F13B: variants seen among roughly 807,000 people sequenced by gnomAD.
The protein encoded by F13B is coagulation factor XIII B chain, also known as TGase.
A neutral mutation model predicts 79.8 loss-of-function variants in F13B; 58 were observed. That is an observed-to-expected ratio of 0.73 (90% CI 0.59 to 0.90). F13B has a LOEUF of 0.90. Among genes scored for constraint, F13B ranks in the 40% least tolerant of loss-of-function variants. The pLI is 0.00. For missense variants in F13B, 773 were observed against 777.0 expected (o/e 0.99, Z 0.06); for synonymous variants, 283 against 260.3 (o/e 1.09, Z -0.84).
At chr1:197,046,174 T>G (rs1004076170) in intron 10 of F13B, among the ~76,000 whole-genome samples, 1 of 151,978 alleles carries the variant, frequency 6.6e-6, no homozygotes, top group African/African-American at 2.4e-5. Flanking sequence ...GGGCAATCTG[T>G]CAAGAGAAAG....
intron 1 of F13B, among the ~76,000 whole-genome samples, chr1:197,063,799 A>G (rs939244936): frequency 9.2e-5 from 14 of 152,106 alleles, no homozygotes; most frequent in African/African-American, 1.9e-4. Flanking sequence ...AAAATCCACT[A>G]CATATTTATA....
chr1:197,040,381 T>TA (rs996600016), intron 11 of F13B, 141 bp downstream of exon 11: 33 of 636,280 alleles, frequency 5.2e-5, no homozygotes, highest in South Asian at 3.1e-4. Flanking sequence ...TTGTTTGGTG[T>TA]AAAAAAAATG....
intron 5 of F13B, among the ~76,000 whole-genome samples, chr1:197,058,734 G>A (rs1458995252): frequency 6.6e-6 from 1 of 152,068 alleles, no homozygotes; most frequent in Non-Finnish European, 1.5e-5. Flanking sequence ...TACCGTGTAA[G>A]GTAACGTTTA....
chr1:197,052,516 A>G (rs55734742), intron 9 of F13B, 118 bp downstream of exon 9: 4 of 692,632 alleles, frequency 5.8e-6, no homozygotes, highest in Non-Finnish European at 9.4e-6. Flanking sequence ...AAATAAAATA[A>G]AACAAAATTA....
At chr1:197,054,932 G>T (rs1655580292) in intron 8 of F13B, among the ~76,000 whole-genome samples, 1 of 151,874 alleles carries the variant, frequency 6.6e-6, no homozygotes, top group Non-Finnish European at 1.5e-5. Context: ...CATGTACAAA[G>T]ATTTACTTGA....
chr1:197,061,980 A>C lies in F13B; in HGVS notation c.266-11T>G. 1 of 1,605,510 alleles carries C rather than the reference A, an allele frequency of 6.2e-7. No individual in the cohort carries two copies. Among genetic ancestry groups the C allele is most frequent in the Non-Finnish European group, 8.5e-7 (1 of 1,173,696 alleles). On this transcript the variant is annotated splice_polypyrimidine_tract_variant and intron_variant, in intron 2 of 11. Coordinates refer to ENST00000367412, the MANE Select transcript of F13B (RefSeq NM_001994.3). ...GCTTAGTGCATTTTTCTATGGGAAA[A>C]AAAATTATTTAACTTAATGATGAAA...
intron 4 of F13B, 41 bp from the exon 5 acceptor site, chr1:197,060,583 A>AT (rs1219906007): frequency 7.1e-7 from 1 of 1,400,804 alleles, no homozygotes; most frequent in African/African-American, 1.5e-5. Context: ...ACAAATGTTT[A>AT]TTTTTTCTGC....
intron 1 of F13B, among the ~76,000 whole-genome samples, chr1:197,063,907 G>C (rs1337656359): frequency 2.0e-5 from 3 of 151,916 alleles, no homozygotes; most frequent in African/African-American, 7.3e-5. Context: ...TACAGTTCAG[G>C]AATAGGTAAA....
Position 197,060,467 on chromosome 1 carries a change from T to A in F13B, c.704A>T (p.Asp235Val). ...TTCATGACAGAAAAACTGAACGACA[T>A]CTCCTTCTTCATAGGTTTGCTTTAC... The part of the protein sequence containing the change: ...HPVKQTYEEG[D>V]VVQFFCHENY... The change falls in exon 5 of 12, where the codon GAT (aspartate) becomes GTT (valine). Residue 235 changes from aspartate (D) to valine (V), a missense_variant. Physicochemically the swap from Asp to Val is radical, Grantham distance 152 (BLOSUM62 -3). Transcript: ENST00000367412. 6.2e-7 allele frequency: 1 copy of A among 1,608,460 alleles called. No individual in the cohort carries two copies. Among genetic ancestry groups the A allele is most frequent in the Non-Finnish European group, 8.5e-7 (1 of 1,176,482 alleles).
chr1:197,060,607 A>G (rs991220290), intron 4 of F13B, 65 bp from the exon 5 acceptor site: 13 of 1,154,878 alleles, frequency 1.1e-5, no homozygotes, highest in Admixed American at 2.0e-5. Flanking sequence ...AACAAAATGC[A>G]CTATTTACAT....
At chr1:197,057,740 C>A (rs116525019) in intron 5 of F13B, among the ~76,000 whole-genome samples, 1,949 of 151,972 alleles carry the variant, frequency 0.013, 21 homozygotes, top group Non-Finnish European at 0.02. Context: ...CAGTTTTTAA[C>A]GCCATTCTTG....
At position 197,064,090 on chromosome 1, in the gene F13B, A is replaced by G. The variant is rs1655966291; in HGVS notation, c.65-1033T>C. 2.0e-5 allele frequency among the ~76,000 whole-genome samples: 3 copies of G among 152,174 alleles called. No homozygotes were observed. In the South Asian group the frequency reaches 6.2e-4, roughly 31 times the overall value. ...ATTACTAGTCATCAGGGAAATGAAA[A>G]TTTAAACCACCATGAGATACTACTG... On this transcript the variant is annotated intron_variant, in intron 1 of 11. Coordinates refer to ENST00000367412, the MANE Select transcript of F13B (RefSeq NM_001994.3).
chr1:197,040,608 T>G lies in F13B; in HGVS notation c.1866A>C (p.Pro622=), dbSNP rs778632077. 1.2e-6 allele frequency: 2 copies of G among 1,613,178 alleles called. No individual in the cohort carries two copies. The highest frequency in any genetic ancestry group is 3.3e-5 in the Admixed American group (2 of 59,988). Reference sequence around the variant, plus strand: ...TAGATCCAGTAATATATAATTCAGCTGGATAAGTATCTCCTCTACAAATAA... The same window carrying G: ...TAGATCCAGTAATATATAATTCAGCGGGATAAGTATCTCCTCTACAAATAA... The part of the protein sequence containing the change: ...IEFICRGDTY[P]AELYITGSIL... The change falls in exon 11 of 12, where the codon CCA becomes CCC. Residue 622 remains proline (P), a synonymous_variant. Transcript: ENST00000367412.
chr1:197,050,699 A>T lies in F13B; in HGVS notation c.1736T>A (p.Leu579Ter), dbSNP rs749945560. The change falls in exon 10 of 12, where the codon TTA becomes TAA. Residue 579 changes from leucine to a stop codon, truncating the protein, a stop_gained and splice_region_variant. Transcript: ENST00000367412. LOFTEE classifies it high-confidence loss of function. The part of the protein sequence containing the change: ...DGMWTTPPLC[L>*]EPCTLSFTEM... ...GAGGCATATTTAGTAGTACATACCT[A>T]AACACAATGGTGGTGTAGTCCACAT... 1 of 1,612,770 alleles carries T rather than the reference A, an allele frequency of 6.2e-7. No homozygotes were observed. Among genetic ancestry groups the T allele is most frequent in the Non-Finnish European group, 8.5e-7 (1 of 1,179,184 alleles).
chr1:197,044,219 ACCCT>A (rs1386063020), intron 10 of F13B, among the ~76,000 whole-genome samples: 2 of 151,754 alleles, frequency 1.3e-5, no homozygotes, highest in Non-Finnish European at 2.9e-5. Flanking sequence ...ACCAGGAGAT[ACCCT>A]CCCTTGCCTG....
chr1:197,044,371 A>G (rs539489476), intron 10 of F13B, among the ~76,000 whole-genome samples: 69 of 152,280 alleles, frequency 4.5e-4, no homozygotes, highest in Non-Finnish European at 8.1e-4. Context: ...GTCTCTGATA[A>G]AACAGACTTT....
At chr1:197,063,119 T>C (rs1432424430) in intron 1 of F13B, 62 bp from the exon 2 acceptor site, 74 of 1,460,940 alleles carry the variant, frequency 5.1e-5, no homozygotes, top group Non-Finnish European at 6.4e-5. Flanking sequence ...AAATTTGTAA[T>C]CAGGTGACAA....
chr1:197,050,991 G>T, intron 9 of F13B, 112 bp from the exon 10 acceptor site: 2 of 896,748 alleles, frequency 2.2e-6, no homozygotes, highest in Non-Finnish European at 3.5e-6. Context: ...GAGTATGGTG[G>T]CATGATCATG....
At position 197,061,799 on chromosome 1, in the gene F13B, A is replaced by G; in HGVS notation, c.436T>C (p.Cys146Arg). ...LSDGWSSQPT[C>R]RKEHETCLAP... ...ATTCTTATACCATGTTCTTTCCTACAGGTTGGTTGAGAAGACCATCCATCA... is the reference window on the plus strand; with the variant it reads ...ATTCTTATACCATGTTCTTTCCTACGGGTTGGTTGAGAAGACCATCCATCA... The change falls in exon 3 of 12, where the codon TGT becomes CGT. Residue 146 changes from cysteine (C) to arginine (R), a missense_variant. Transcript: ENST00000367412. 6.2e-7 allele frequency: 1 copy of G among 1,613,206 alleles called. No individual in the cohort carries two copies. The highest frequency in any genetic ancestry group is 8.5e-7 in the Non-Finnish European group (1 of 1,179,424).
Sources: allele counts gnomAD v4.1 joint callset (sites outside exome capture counted in the v4.1 genomes callset), GRCh38; gene constraint gnomAD v4.1.1; transcripts MANE v1.5; gene names NCBI Gene and HGNC (gene_info 2026-07-23, HGNC 2026-07-21).